Variants in SNX8 observed in about 807,000 individuals in gnomAD.
SNX8 encodes sorting nexin-8.
A neutral mutation model predicts 51.6 loss-of-function variants in SNX8; 25 were observed. The ratio of observed to expected loss-of-function variants is 0.48; its 90% CI spans 0.35 to 0.68. SNX8 has a LOEUF of 0.68. Among genes scored for constraint, SNX8 ranks in the 30% least tolerant of loss-of-function variants. SNX8 has a pLI of 0.00. For missense variants in SNX8, 695 were observed against 624.0 expected, an observed-to-expected ratio of 1.11 and a Z score of -1.21; for synonymous variants, 324 against 277.0, an observed-to-expected ratio of 1.17 and a Z score of -1.68.
chr7:2,272,647 A>G (rs1220152175), intron 3 of SNX8, among the ~76,000 whole-genome samples: 1 of 152,008 alleles, frequency 6.6e-6, no homozygotes, highest in African/African-American at 2.4e-5. Flanking sequence ...AAGTGCTGAT[A>G]TTACAGGCGT....
At chr7:2,332,722 TGAGA>T (rs371400352) in intron 1 of SNX8, among the ~76,000 whole-genome samples, 2 of 125,638 alleles carry the variant, frequency 1.6e-5, no homozygotes, top group Non-Finnish European at 3.2e-5. Flanking sequence ...TGTACTCCAG[TGAGA>T]GAGAGAGAGA....
At chr7:2,287,298 G>A (rs774309484) in intron 1 of SNX8, among the ~76,000 whole-genome samples, 1 of 151,068 alleles carries the variant, frequency 6.6e-6, no homozygotes, top group Non-Finnish European at 1.5e-5. Flanking sequence ...AGTGATTATT[G>A]TCCAGGCGGG....
At chr7:2,312,355 G>A (rs1796675222) in intron 1 of SNX8, among the ~76,000 whole-genome samples, 1 of 152,108 alleles carries the variant, frequency 6.6e-6, no homozygotes, top group Non-Finnish European at 1.5e-5. Flanking sequence ...ATGCCAAATT[G>A]CTTTACAAGC....
rs558691018 is a variant in SNX8, at chr7:2,336,633, G to A, written c.-66+17589C>T. Among the ~76,000 whole-genome samples the A allele has an allele frequency of 1.4e-4, 21 of 150,892 alleles. No homozygotes were observed. The South Asian group carries it at 3.6e-3, about 26-fold the overall frequency. ...TGAGGTAGGAGAATTGCTTGAACCC[G>A]GGAGGCGGAGGTTGCAGTGAGCCGA... On this transcript the variant is annotated intron_variant, in intron 1 of 5. Coordinates refer to the SNX8 transcript ENST00000435336.
intron 2 of SNX8, among the ~76,000 whole-genome samples, 195 bp from the exon 3 acceptor site, chr7:2,275,424 G>A (rs1324218892): frequency 6.6e-6 from 1 of 152,262 alleles, no homozygotes; most frequent in Non-Finnish European, 1.5e-5. Context: ...CTTAGGCCGG[G>A]TGCGGTGGCT....
At chr7:2,261,963 T>A (rs1284826148) in intron 7 of SNX8, among the ~76,000 whole-genome samples, 3 of 152,190 alleles carry the variant, frequency 2.0e-5, no homozygotes, top group Non-Finnish European at 1.5e-5. Context: ...CTCTTCAAAC[T>A]AATATGAGTA....
At position 2,255,107 on chromosome 7, in the gene SNX8, G is replaced by T. The variant is rs867347143; in HGVS notation, c.1347C>A (p.Ser449Arg). The part of the protein sequence containing the change: ...KLSCLFAGPH[S>R]TLTPPCSPPE... ...GCGGGGAGCACGGTGGGGTCAGGGT[G>T]CTGTGTGGTCCCGCAAAGAGGCAGC... Residue 449 changes from serine to arginine, a missense_variant, in exon 11 of 11, where the codon AGC becomes AGA. Ser to Arg is a moderately radical substitution (Grantham distance 110, BLOSUM62 -1). Transcript: ENST00000222990. 1 of 1,581,166 alleles carries T rather than the reference G, an allele frequency of 6.3e-7. No homozygotes were observed.
At chr7:2,284,880 A>T (rs1795987714) in intron 1 of SNX8, among the ~76,000 whole-genome samples, 1 of 151,996 alleles carries the variant, frequency 6.6e-6, no homozygotes, top group Non-Finnish European at 1.5e-5. Flanking sequence ...CTCTACTTAC[A>T]CATTCTGAGT....
chr7:2,314,307 T>C, intron 1 of SNX8, 21 bp downstream of exon 1: 2 of 1,219,440 alleles, frequency 1.6e-6, no homozygotes. Context: ...AGGTGGGGGC[T>C]ACCGCCGCCC....
rs1796238801 is a variant in SNX8 at position 2,294,977 on chromosome 7, G to C, written c.95-16672C>G. ...CCCCAGGAGTTCAAGGCTACAGTGA[G>C]CTATGATTGTGCCACTGCATTCCAA... On this transcript the variant is annotated intron_variant, in intron 1 of 10. Coordinates refer to ENST00000222990, the MANE Select transcript of SNX8 (RefSeq NM_013321.4). Among the ~76,000 whole-genome samples, 3 of 152,268 alleles carry C rather than the reference G, an allele frequency of 2.0e-5. No homozygotes were observed. In the South Asian group the frequency reaches 6.2e-4, roughly 32 times the overall value.
chr7:2,256,834 G>A, intron 10 of SNX8, 40 bp downstream of exon 10: 1 of 1,584,744 alleles, frequency 6.3e-7, no homozygotes. Context: ...GACAAAGAAA[G>A]GCCGTGGCCG....
At chr7:2,327,091 G>A (rs1334772451) in intron 1 of SNX8, among the ~76,000 whole-genome samples, 6 of 152,112 alleles carry the variant, frequency 3.9e-5, no homozygotes, top group Non-Finnish European at 8.8e-5. Flanking sequence ...TCATAGGGGA[G>A]GATTCCTTCT....
At chr7:2,263,085 C>T (rs1795375473) in intron 7 of SNX8, 145 bp downstream of exon 7, 7 of 1,018,342 alleles carry the variant, frequency 6.9e-6, no homozygotes, top group Middle Eastern at 2.9e-4. Flanking sequence ...CGCCTTTGCG[C>T]TCCAGCCTGG....
rs1222343845 is a variant in SNX8 at position 2,257,455 on chromosome 7, C to T, written c.1044G>A (p.Lys348=). ...TCATCTGCCTCTTCATCAGGCTGTA[C>T]TTGTGCAGGGCCCGCTGGTGCTTGT... The part of the protein sequence containing the change: ...VLHKHQRALH[K]YSLMKRQMMS... Residue 348 remains lysine (K), a synonymous_variant, in exon 9 of 11, where the codon AAG becomes AAA. Transcript: ENST00000222990. 1 of 1,609,474 alleles carries T rather than the reference C, an allele frequency of 6.2e-7. No individual in the cohort carries two copies. Among genetic ancestry groups the T allele is most frequent in the Non-Finnish European group, 8.5e-7 (1 of 1,178,906 alleles).
At chr7:2,288,736 TG>T (rs535589400) in intron 1 of SNX8, among the ~76,000 whole-genome samples, 13 of 152,236 alleles carry the variant, frequency 8.5e-5, no homozygotes, top group African/African-American at 2.9e-4. Context: ...TTGCCTGTTT[TG>T]GGGTTTTTGT....
chr7:2,256,774 C>A, intron 10 of SNX8, 100 bp downstream of exon 10: 1 of 1,284,870 alleles, frequency 7.8e-7, no homozygotes, highest in Non-Finnish European at 1.1e-6. Flanking sequence ...TAAAGAACCT[C>A]TCTAGGGCGG....
At chr7:2,265,890 T>C (rs1040659440) in intron 5 of SNX8, among the ~76,000 whole-genome samples, 7 of 152,002 alleles carry the variant, frequency 4.6e-5, no homozygotes, top group Admixed American at 2.0e-4. Flanking sequence ...GCCAGGAGGA[T>C]TGCTTGAGGC....
rs1779004726 is a variant in SNX8 at position 2,345,508 on chromosome 7, A to G, written c.-66+8714T>C. On this transcript the variant is annotated intron_variant, in intron 1 of 5. Coordinates refer to the SNX8 transcript ENST00000435336. Reference sequence around the variant, plus strand: ...GCCTGGCCCATGTGGAAAAAACCCCATCTCTACTAAAAATACAAAATTAGC... The same window carrying G: ...GCCTGGCCCATGTGGAAAAAACCCCGTCTCTACTAAAAATACAAAATTAGC... Among the ~76,000 whole-genome samples the G allele has an allele frequency of 2.0e-5, 3 of 151,938 alleles. No individual in the cohort carries two copies. The South Asian group carries it at 6.2e-4, about 32-fold the overall frequency.
chr7:2,266,498 C>A (rs1247787433), intron 5 of SNX8, among the ~76,000 whole-genome samples: 1 of 152,164 alleles, frequency 6.6e-6, no homozygotes, highest in Non-Finnish European at 1.5e-5. Flanking sequence ...AGGTGCACGC[C>A]ACCGCACCCA....
Sources: allele counts gnomAD v4.1 joint callset (sites outside exome capture counted in the v4.1 genomes callset), GRCh38; gene constraint gnomAD v4.1.1; transcripts MANE v1.5; gene names NCBI Gene and HGNC (gene_info 2026-07-23, HGNC 2026-07-21).